ZKSCAN5: variants seen among roughly 807,000 people sequenced by gnomAD.
ZKSCAN5 encodes the protein zinc finger with KRAB and SCAN domains 5, also known as zinc finger protein with KRAB and SCAN domains 5.
Under a neutral mutation model 60.0 loss-of-function variants are expected in ZKSCAN5, and 28 were observed. The observed-to-expected ratio is 0.47, with a 90% CI of 0.35 to 0.64. The LOEUF is 0.64. Ranked by LOEUF, ZKSCAN5 falls within the 30% of genes least tolerant of loss-of-function variation. The pLI is 0.01. For synonymous variants in ZKSCAN5, 361 were observed against 371.2 expected, an observed-to-expected ratio of 0.97 and a Z score of 0.31; for missense variants, 881 against 1,034.6, an observed-to-expected ratio of 0.85 and a Z score of 2.04.
chr7:99,532,135 A>G lies in ZKSCAN5; in HGVS notation c.2406A>G (p.Gln802=), dbSNP rs1802080759. The change falls in exon 7 of 7, where the codon CAA becomes CAG. Residue 802 remains glutamine (Q), a synonymous_variant. Transcript: ENST00000326775. ...QRIHTGEKPF[Q]CKECGMNFSW... ...TCCATACTGGTGAGAAACCTTTTCA[A>G]TGTAAAGAATGTGGAATGAATTTCA... 1.2e-6 allele frequency: 2 copies of G among 1,614,056 alleles called. No homozygotes were observed. Among genetic ancestry groups the G allele is most frequent in the Non-Finnish European group, 8.5e-7 (1 of 1,180,032 alleles).
At chr7:99,519,772 C>T in intron 3 of ZKSCAN5, 55 bp from the exon 4 acceptor site, 8 of 1,534,972 alleles carry the variant, frequency 5.2e-6, no homozygotes, top group Non-Finnish European at 7.2e-6. Context: ...AACATGATGG[C>T]AATGAGAACC....
intron 6 of ZKSCAN5, among the ~76,000 whole-genome samples, chr7:99,528,762 T>C (rs1201421727): frequency 6.6e-6 from 1 of 152,102 alleles, no homozygotes; most frequent in African/African-American, 2.4e-5. Context: ...GGGGAATACA[T>C]GTTTTGCACA....
chr7:99,526,450 A>C, intron 6 of ZKSCAN5, 32 bp downstream of exon 6: 3 of 1,572,166 alleles, frequency 1.9e-6, no homozygotes, highest in Non-Finnish European at 8.6e-7. Flanking sequence ...CCGGGGGATA[A>C]ATGGAGGCGA....
chr7:99,519,066 C>T (rs1312024516), intron 3 of ZKSCAN5, among the ~76,000 whole-genome samples: 1 of 151,318 alleles, frequency 6.6e-6, no homozygotes, highest in African/African-American at 2.4e-5. Flanking sequence ...ACCTCCACCT[C>T]CCAGGTTCAA....
At chr7:99,515,082 AAAAAAT>A (rs754142751) in intron 3 of ZKSCAN5, among the ~76,000 whole-genome samples, 3 of 151,872 alleles carry the variant, frequency 2.0e-5, no homozygotes, top group Non-Finnish European at 2.9e-5. Context: ...CTGTCTCCAT[AAAAAAT>A]AAAAATAAAA....
At chr7:99,519,271 G>GTT (rs1562909173) in intron 3 of ZKSCAN5, among the ~76,000 whole-genome samples, 2 of 128,412 alleles carry the variant, frequency 1.6e-5, no homozygotes, top group Admixed American at 1.0e-4. Flanking sequence ...ACCACGCCCA[G>GTT]TATTTTTTTT....
Position 99,520,166 on chromosome 7 carries a change from C to T in ZKSCAN5, c.637-3C>T. 6.2e-7 allele frequency: 1 copy of T among 1,612,582 alleles called. No individual in the cohort carries two copies. The highest frequency in any genetic ancestry group is 8.5e-7 in the Non-Finnish European group (1 of 1,179,654). On this transcript the variant is annotated splice_region_variant and splice_polypyrimidine_tract_variant and intron_variant, in intron 4 of 6. Coordinates refer to ENST00000326775, the MANE Select transcript of ZKSCAN5 (RefSeq NM_145102.4). ...AGAATTTAGTGGAGATCTCCTGTTTCAGAAGTTGGTGAAAATTGAAGAGGT... is the reference window on the plus strand; with the variant it reads ...AGAATTTAGTGGAGATCTCCTGTTTTAGAAGTTGGTGAAAATTGAAGAGGT...
In ZKSCAN5 at chr7:99,531,102, T is replaced by C; in HGVS notation, c.1379-6T>C. ...GACATTTTCACTTGCTCTTTATTTTTTTTAGGCAGTGACAAAAGAAGTAAG... is the reference window on the plus strand; with the variant it reads ...GACATTTTCACTTGCTCTTTATTTTCTTTAGGCAGTGACAAAAGAAGTAAG... On this transcript the variant is annotated splice_region_variant and splice_polypyrimidine_tract_variant and intron_variant, in intron 6 of 6. Coordinates refer to ENST00000326775, the MANE Select transcript of ZKSCAN5 (RefSeq NM_145102.4). The C allele has an allele frequency of 6.4e-7, 1 of 1,569,322 alleles. No individual in the cohort carries two copies. Among genetic ancestry groups the C allele is most frequent in the South Asian group, 1.2e-5 (1 of 82,720 alleles).
chr7:99,528,994 C>A (rs1365360755), intron 6 of ZKSCAN5, among the ~76,000 whole-genome samples: 1 of 152,162 alleles, frequency 6.6e-6, no homozygotes, highest in East Asian at 1.9e-4. Context: ...CTGTATCACC[C>A]ACCCTCTGAC....
chr7:99,515,761 G>C (rs1801237588), intron 3 of ZKSCAN5, among the ~76,000 whole-genome samples: 1 of 150,922 alleles, frequency 6.6e-6, no homozygotes, highest in Non-Finnish European at 1.5e-5. Context: ...TTGAGTCCAG[G>C]AGATGGAGGT....
chr7:99,508,553 A>T lies in ZKSCAN5; in HGVS notation c.414+2095A>T, dbSNP rs540904861. 3.9e-5 allele frequency among the ~76,000 whole-genome samples: 6 copies of T among 152,088 alleles called. No homozygotes were observed. The South Asian group carries it at 1.2e-3, about 32-fold the overall frequency. On this transcript the variant is annotated intron_variant, in intron 2 of 6. Coordinates refer to ENST00000326775, the MANE Select transcript of ZKSCAN5 (RefSeq NM_145102.4). ...TGGATCATGGGGTCAGATCAAGACCATCCGGGCCAACATGGTGAAACCCCG... is the reference window on the plus strand; with the variant it reads ...TGGATCATGGGGTCAGATCAAGACCTTCCGGGCCAACATGGTGAAACCCCG...
Position 99,531,168 on chromosome 7 carries a change from C to T in ZKSCAN5, c.1439C>T (p.Ser480Leu), listed in dbSNP as rs1340784895. The T allele has an allele frequency of 6.2e-7, 1 of 1,610,414 alleles. No individual in the cohort carries two copies. The highest frequency in any genetic ancestry group is 8.5e-7 in the Non-Finnish European group (1 of 1,179,174). The part of the protein sequence containing the change: ...LSVKKKISEY[S>L]EADMELSGKT... ...GTTAAGAAGAAAATTTCAGAATATTCAGAAGCAGACATGGAACTATCTGGA... is the reference window on the plus strand; with the variant it reads ...GTTAAGAAGAAAATTTCAGAATATTTAGAAGCAGACATGGAACTATCTGGA... The change falls in exon 7 of 7, where the codon TCA (serine) becomes TTA (leucine). Residue 480 changes from serine to leucine, a missense_variant. Ser to Leu is a moderately radical substitution (Grantham distance 145). Coordinates refer to ENST00000326775, the MANE Select transcript of ZKSCAN5 (RefSeq NM_145102.4).
chr7:99,525,801 C>G lies in ZKSCAN5; in HGVS notation c.773-12C>G, dbSNP rs749014304. On this transcript the variant is annotated splice_polypyrimidine_tract_variant and intron_variant, in intron 5 of 6. Coordinates refer to ENST00000326775, the MANE Select transcript of ZKSCAN5 (RefSeq NM_145102.4). ...AAAAGCTCATTTTTTAATTCTCCCT[C>G]TGTTATTTCAGGTTATGAGTCCAGG... The G allele has an allele frequency of 1.2e-5, 19 of 1,579,716 alleles. No homozygotes were observed. In the South Asian group the frequency reaches 2.2e-4, roughly 18 times the overall value.
rs1800731534 is a variant in ZKSCAN5, at chr7:99,506,430, A to C, written c.386A>C (p.Gln129Pro). ...EEAVAVIENI[Q>P]RELEERRQQI... ...GCGGTGGCCGTGATAGAAAATATAC[A>C]GCGAGAACTTGAGGAACGCAGACAG... Residue 129 changes from glutamine to proline, a missense_variant, in exon 2 of 7, where the codon CAG (glutamine) becomes CCG (proline). By Grantham distance (76) the Gln-to-Pro change is moderately conservative. Transcript: ENST00000326775. The C allele has an allele frequency of 6.2e-7, 1 of 1,612,962 alleles. No individual in the cohort carries two copies. Among genetic ancestry groups the C allele is most frequent in the Non-Finnish European group, 8.5e-7 (1 of 1,179,176 alleles).
rs200079839 is a variant in ZKSCAN5 at position 99,513,733 on chromosome 7, AAC to A, written c.553+1144_553+1145del. 2.6e-3 allele frequency: 927 copies of A among 358,038 alleles called. 10 individuals carry two copies. The highest frequency in any genetic ancestry group is 0.019 in the African/African-American group (887 of 45,836). 22.2% of individuals were successfully genotyped at this position (358,038 alleles called of 1,614,324 possible). A position where few individuals can be genotyped will look rare whatever the true frequency, so the allele number is the denominator to read the frequency against. On this transcript the variant is annotated intron_variant, in intron 3 of 6. Coordinates refer to ENST00000326775, the MANE Select transcript of ZKSCAN5 (RefSeq NM_145102.4). ...CTTGTCTTAATGCTTATGTTAAAAA[AAC>A]AAAAAAACAAGGCCGGGCTCAGTGG...
intron 3 of ZKSCAN5, among the ~76,000 whole-genome samples, chr7:99,513,503 T>G (rs1402743169): frequency 1.3e-5 from 2 of 152,128 alleles, no homozygotes; most frequent in Admixed American, 6.5e-5. Context: ...AAGTGATACC[T>G]CCACCTCAGC....
chr7:99,527,733 G>A (rs1801856157), intron 6 of ZKSCAN5, among the ~76,000 whole-genome samples: 1 of 151,990 alleles, frequency 6.6e-6, no homozygotes, highest in Non-Finnish European at 1.5e-5. Flanking sequence ...TGCCCAGGCT[G>A]GAGTGCAATG....
chr7:99,526,648 C>T (rs904884469), intron 6 of ZKSCAN5, among the ~76,000 whole-genome samples: 6 of 152,198 alleles, frequency 3.9e-5, no homozygotes, highest in African/African-American at 9.6e-5. Flanking sequence ...TCTGCCTCCC[C>T]GGTTCAAGCG....
chr7:99,532,164 G>C lies in ZKSCAN5; in HGVS notation c.2435G>C (p.Trp812Ser), dbSNP rs766611552. The change falls in exon 7 of 7, where the codon TGG becomes TCG. Residue 812 changes from tryptophan (W) to serine (S), a missense_variant. This residue lies in a region of ZKSCAN5 where 138 missense variants were observed against 143.8 expected (regional missense o/e 0.96). Transcript: ENST00000326775. ...AAAGAATGTGGAATGAATTTCAGCT[G>C]GAGTTGTAGCCTCTTTAAACACCTG... ...QCKECGMNFS[W>S]SCSLFKHLRS... 1 of 1,613,620 alleles carries C rather than the reference G, an allele frequency of 6.2e-7. No homozygotes were observed. Among genetic ancestry groups the C allele is most frequent in the South Asian group, 1.1e-5 (1 of 91,080 alleles).
Sources: allele counts gnomAD v4.1 joint callset (sites outside exome capture counted in the v4.1 genomes callset), GRCh38; gene constraint gnomAD v4.1.1; regional missense constraint gnomAD v4.1.1; transcripts MANE v1.5; gene names NCBI Gene and HGNC (gene_info 2026-07-23, HGNC 2026-07-21).